The following SCN4A variants were observed in gnomAD, a reference collection of about 807,000 sequenced individuals.
SCN4A encodes the protein sodium channel protein type 4 subunit alpha.
Under a neutral mutation model 162.0 loss-of-function variants are expected in SCN4A, and 83 were observed. That is an observed-to-expected ratio of 0.51 (90% CI 0.43 to 0.61). The LOEUF is 0.61. SCN4A is among the 20% of genes least tolerant of loss of function. The pLI is 0.00. For missense variants in SCN4A, 2,196 were observed against 2,462.5 expected, an observed-to-expected ratio of 0.89 and a Z score of 2.29; for synonymous variants, 944 against 985.1, an observed-to-expected ratio of 0.96 and a Z score of 0.78.
At chr17:63,946,471 C>CG (rs1201978475) in intron 18 of SCN4A, among the ~76,000 whole-genome samples, 1 of 132,746 alleles carries the variant, frequency 7.5e-6, no homozygotes, top group East Asian at 2.3e-4. Context: ...TGCCCCCCCC[C>CG]CCACCCCGCC....
intron 11 of SCN4A, among the ~76,000 whole-genome samples, chr17:63,960,949 C>T (rs2144797829): frequency 6.6e-6 from 1 of 151,490 alleles, no homozygotes; most frequent in East Asian, 1.9e-4. Context: ...CCTTAGGAAG[C>T]CCAGCGCCTC....
chr17:63,959,881 C>T (rs992776850), intron 11 of SCN4A, among the ~76,000 whole-genome samples: 1 of 152,172 alleles, frequency 6.6e-6, no homozygotes, highest in African/African-American at 2.4e-5. Context: ...CATCACAGCA[C>T]CCACATGGGA....
Position 63,945,192 on chromosome 17 carries a change from C to A in SCN4A, c.3721-132G>T. The A allele has an allele frequency of 9.5e-7, 1 of 1,057,856 alleles. No homozygotes were observed. Among genetic ancestry groups the A allele is most frequent in the Non-Finnish European group, 1.4e-6 (1 of 711,790 alleles). The allele number at this position is 1,057,856 out of a possible 1,614,324, so 65.5% of individuals were successfully genotyped here. On this transcript the variant is annotated intron_variant, in intron 19 of 23. Coordinates refer to ENST00000435607, the MANE Select transcript of SCN4A (RefSeq NM_000334.4). The surrounding 1 kb of genome is among the most constrained non-coding windows in gnomAD (Gnocchi z 4.4). ...TGCCAGAGCCCCACTGGGCTAGCAT[C>A]AAATAAAGACCAGAGAGGTCTAGAC...
rs1336954197 is a variant in SCN4A at position 63,947,161 on chromosome 17, T to C, written c.3325A>G (p.Ile1109Val). 1.2e-6 allele frequency: 2 copies of C among 1,613,164 alleles called. No individual in the cohort carries two copies. The highest frequency in any genetic ancestry group is 1.3e-5 in the African/African-American group (1 of 74,874). ...AGCCAGTTGGCCACCAAGCTGATGA[T>C]GGAGACCTGCAGGGGAGGGGTGAGG... The part of the protein sequence containing the change: ...WLDFLIVDVS[I>V]ISLVANWLGY... The change falls in exon 18 of 24, where the codon ATC becomes GTC. Residue 1109 changes from isoleucine to valine, a missense_variant. Transcript: ENST00000435607.
chr17:63,948,660 C>A lies in SCN4A; in HGVS notation c.3095G>T (p.Trp1032Leu), dbSNP rs1237305935. Reference protein sequence around the residue: ...RACFKIVEHNWFETFIVFMIL... With the variant: ...RACFKIVEHNLFETFIVFMIL... ...CATGAAGACAATGAAGGTCTCGAAC[C>A]AGTTGTGCTCGACAATCTTGAAGCA... Residue 1032 changes from tryptophan (W) to leucine (L), a missense_variant, in exon 16 of 24, where the codon TGG becomes TTG. By Grantham distance (61) the Trp-to-Leu change is moderately conservative (BLOSUM62 -2). Coordinates refer to ENST00000435607, the MANE Select transcript of SCN4A (RefSeq NM_000334.4). The A allele has an allele frequency of 8.1e-6, 13 of 1,613,780 alleles. No homozygotes were observed. The highest frequency in any genetic ancestry group is 1.1e-5 in the Non-Finnish European group (13 of 1,179,890).
Position 63,940,365 on chromosome 17 carries a change from G to A in SCN4A, c.*406C>T. 5.5e-6 allele frequency: 1 copy of A among 181,522 alleles called. No individual in the cohort carries two copies. Among genetic ancestry groups the A allele is most frequent in the African/African-American group, 2.4e-5 (1 of 42,464 alleles). 11.2% of individuals were successfully genotyped at this position (181,522 alleles called of 1,614,324 possible). ...GGTCTGAGCCACTTCCTGGGGAGAG[G>A]CCAGTGACCCTTAAGACTCTGGTGA... is the stretch of plus-strand genomic sequence containing the variant. On this transcript the variant is annotated 3_prime_UTR_variant, in exon 24 of 24. Coordinates refer to ENST00000435607, the MANE Select transcript of SCN4A (RefSeq NM_000334.4).
rs1396834146 is a variant in SCN4A at position 63,951,697 on chromosome 17, C to T, written c.2580G>A (p.Glu860=). Residue 860 remains glutamate, a synonymous_variant, in exon 14 of 24, where the codon GAG becomes GAA. Coordinates refer to ENST00000435607, the MANE Select transcript of SCN4A (RefSeq NM_000334.4). The surrounding 1 kb of genome is among the most constrained non-coding windows in gnomAD (Gnocchi z 4.5). ...CTCCAGCCTCCCCGGCCCCGTCAGC[C>T]TCCCCGAGGCTGAGCATGATGTCCT... ...SPKDIMLSLG[E]ADGAGEAGEA... 1 of 1,598,746 alleles carries T rather than the reference C, an allele frequency of 6.3e-7. No homozygotes were observed. The highest frequency in any genetic ancestry group is 8.5e-7 in the Non-Finnish European group (1 of 1,172,522).
In SCN4A at chr17:63,941,106, G is replaced by T. The variant is rs1449350428; in HGVS notation, c.5176C>A (p.His1726Asn). 1.2e-6 allele frequency: 2 copies of T among 1,613,958 alleles called. No homozygotes were observed. The highest frequency in any genetic ancestry group is 1.7e-6 in the Non-Finnish European group (2 of 1,179,880). Residue 1726 changes from histidine to asparagine, a missense_variant, in exon 24 of 24, where the codon CAC (histidine) becomes AAC (asparagine). Transcript: ENST00000435607. This position sits in a 1 kb window ranked among gnomAD's most constrained non-coding sequence, Gnocchi z 6.2. ...EPITTTLKRK[H>N]EEVCAIKIQR... is the part of the protein sequence containing the mutation. Reference sequence around the variant, plus strand: ...ATCTTGATGGCGCACACCTCCTCGTGCTTCCTCTTGAGGGTGGTGGTGATG... The same window carrying T: ...ATCTTGATGGCGCACACCTCCTCGTTCTTCCTCTTGAGGGTGGTGGTGATG...
At chr17:63,964,414 G>C (rs999095859) in intron 9 of SCN4A, 54 bp downstream of exon 9, 2 of 1,539,332 alleles carry the variant, frequency 1.3e-6, no homozygotes, top group Admixed American at 3.4e-5. Context: ...TGGCAGCCCC[G>C]GCTGAGGGCA....
rs762093872 is a variant in SCN4A at position 63,945,648 on chromosome 17, A to T, written c.3442-10T>A. 2 of 1,613,642 alleles carry T rather than the reference A, an allele frequency of 1.2e-6. No individual in the cohort carries two copies. Among genetic ancestry groups the T allele is most frequent in the Admixed American group, 3.3e-5 (2 of 60,010 alleles). ...GGGCGTTCACCACCACCTGGGGGCC[A>T]GGGGGTCCATTGCCAGTGCCTCTCC... On this transcript the variant is annotated splice_polypyrimidine_tract_variant and intron_variant, in intron 18 of 23. Coordinates refer to ENST00000435607, the MANE Select transcript of SCN4A (RefSeq NM_000334.4). The surrounding 1 kb of genome is among the most constrained non-coding windows in gnomAD (Gnocchi z 4.4).
At position 63,972,746 on chromosome 17, in the gene SCN4A, C is replaced by T. The variant is rs575515777; in HGVS notation, c.96G>A (p.Ala32=). The change falls in exon 1 of 24, where the codon GCG becomes GCA. Residue 32 remains alanine (A), a synonymous_variant. Coordinates refer to ENST00000435607, the MANE Select transcript of SCN4A (RefSeq NM_000334.4). This position sits in a 1 kb window ranked among gnomAD's most constrained non-coding sequence, Gnocchi z 4.3. ...RESLAAIEQR[A]VEEEARLQRN... ...GCTGCAGCCGGGCCTCCTCCTCCAC[C>T]GCCCGCTGTTCTATGGCTGCCAGTG... is the stretch of plus-strand genomic sequence containing the variant. 1.8e-5 allele frequency: 29 copies of T among 1,613,716 alleles called. No individual in the cohort carries two copies. Among genetic ancestry groups the T allele is most frequent in the East Asian group, 8.9e-5 (4 of 44,866 alleles).
At position 63,956,287 on chromosome 17, in the gene SCN4A, G is replaced by A. The variant is rs545352831; in HGVS notation, c.2376+875C>T. On this transcript the variant is annotated intron_variant, in intron 13 of 23. Transcript: ENST00000435607. The stretch of plus-strand genomic sequence containing the variant: ...ATGGGGTCTTGCTCTGCCCCCCCAT[G>A]CTGGAGTGCAGTGGCAGGATCACAG... Among the ~76,000 whole-genome samples the A allele has an allele frequency of 6.4e-4, 98 of 152,342 alleles. 1 individual carries two copies. Among genetic ancestry groups the A allele is most frequent in the African/African-American group, 2.3e-3 (96 of 41,564 alleles).
chr17:63,956,267 G>A (rs1042333445), intron 13 of SCN4A, among the ~76,000 whole-genome samples: 11 of 152,190 alleles, frequency 7.2e-5, no homozygotes, highest in Non-Finnish European at 1.6e-4. Context: ...TAGAGATGGG[G>A]TCTTGCTCTG....
chr17:63,949,811 G>T, intron 14 of SCN4A: 1 of 281,690 alleles, frequency 3.5e-6, no homozygotes, highest in Non-Finnish European at 6.7e-6. Context: ...TCAGATAAGG[G>T]AGGAGGCGGG....
At chr17:63,960,463 T>C (rs1909211425) in intron 11 of SCN4A, among the ~76,000 whole-genome samples, 1 of 152,088 alleles carries the variant, frequency 6.6e-6, no homozygotes, top group Non-Finnish European at 1.5e-5. Context: ...AATCTTACTC[T>C]CCCTGGCTTC....
At chr17:63,967,925 C>G in intron 6 of SCN4A, 98 bp downstream of exon 6, 4 of 1,009,704 alleles carry the variant, frequency 4.0e-6, no homozygotes, top group Non-Finnish European at 5.8e-6. Flanking sequence ...AAGAGTGAGA[C>G]TCCATCTCAA....
chr17:63,966,391 C>T (rs759210557), intron 7 of SCN4A, 90 bp downstream of exon 7: 248 of 1,427,100 alleles, frequency 1.7e-4, no homozygotes, highest in Non-Finnish European at 2.2e-4. Context: ...TTTCCCTGCA[C>T]TCCCATGCCC....
rs1450130627 is a variant in SCN4A, at chr17:63,941,063, C to T, written c.5219G>A (p.Arg1740Gln). Residue 1740 changes from arginine to glutamine, a missense_variant, in exon 24 of 24, where the codon CGG becomes CAG. Coordinates refer to ENST00000435607, the MANE Select transcript of SCN4A (RefSeq NM_000334.4). The surrounding 1 kb of genome is among the most constrained non-coding windows in gnomAD (Gnocchi z 6.2). ...CAIKIQRAYR[R>Q]HLLQRSMKQA... ...CTTCATGGAGCGCTGTAGCAGGTGCCGGCGGTAGGCCCTCTGGATCTTGAT... is the reference window on the plus strand; with the variant it reads ...CTTCATGGAGCGCTGTAGCAGGTGCTGGCGGTAGGCCCTCTGGATCTTGAT... 2.5e-6 allele frequency: 4 copies of T among 1,613,936 alleles called. No homozygotes were observed. Among genetic ancestry groups the T allele is most frequent in the South Asian group, 1.1e-5 (1 of 91,076 alleles).
rs1327523930 is a variant in SCN4A, at chr17:63,972,200, T to C, written c.418A>G (p.Thr140Ala). 3.7e-6 allele frequency: 6 copies of C among 1,613,420 alleles called. No individual in the cohort carries two copies. In the Admixed American group the frequency reaches 5.0e-5, roughly 13 times the overall value. The change falls in exon 3 of 24, where the codon ACC becomes GCC. Residue 140 changes from threonine to alanine, a missense_variant. Coordinates refer to ENST00000435607, the MANE Select transcript of SCN4A (RefSeq NM_000334.4). This position sits in a 1 kb window ranked among gnomAD's most constrained non-coding sequence, Gnocchi z 4.3. ...ATGAATACGCAGTTGGTCAAGATGG[T>C]GATCATGATGAACATGCTGAACAGC... Reference protein sequence around the residue: ...HALFSMFIMITILTNCVFMTM... With the variant: ...HALFSMFIMIAILTNCVFMTM...
Sources: gnomAD v4.1 joint callset for allele counts (sites outside exome capture counted in the v4.1 genomes callset) on GRCh38, gnomAD v4.1.1 for gene constraint, Gnocchi (gnomAD v3.1) non-coding constraint, MANE v1.5 for transcripts, NCBI Gene and HGNC (gene_info 2026-07-23, HGNC 2026-07-21) for gene names.